The following FGF12 variants were observed in gnomAD, a reference collection of about 807,000 sequenced individuals.
FGF12 encodes the protein fibroblast growth factor 12B.
A neutral mutation model predicts 23.6 loss-of-function variants in FGF12; 14 were observed. The observed-to-expected ratio is 0.59, with a 90% CI of 0.39 to 0.93. FGF12 has a LOEUF of 0.93. FGF12 is among the 40% of genes least tolerant of loss of function. FGF12 has a pLI of 0.00. For missense variants in FGF12, 175 were observed against 217.8 expected (o/e 0.80, Z 1.24); for synonymous variants, 62 against 77.3 (o/e 0.80, Z 1.04).
intron 2 of FGF12, among the ~76,000 whole-genome samples, chr3:192,476,180 A>T (rs542669153): frequency 6.6e-6 from 1 of 152,178 alleles, no homozygotes; most frequent in Non-Finnish European, 1.5e-5. Context: ...CTATATTTTA[A>T]AGGGCAGGAC....
At position 192,190,558 on chromosome 3, in the gene FGF12, C is replaced by T. The variant is rs2108646835; in HGVS notation, c.229-19902G>A. 2.9e-5 allele frequency among the ~76,000 whole-genome samples: 4 copies of T among 138,580 alleles called. 1 individual carries two copies. In the Admixed American group the frequency reaches 3.2e-4, roughly 11 times the overall value. The allele number at this position is 138,580 out of a possible 152,430, so 90.9% of individuals were successfully genotyped here. A position where few individuals can be genotyped will look rare whatever the true frequency, so the allele number is the denominator to read the frequency against. On this transcript the variant is annotated intron_variant, in intron 4 of 5. Transcript: ENST00000445105. Reference sequence around the variant, plus strand: ...TGGCGGGATCTCGGCTCACTGCAAACTCCGCCTCCCGGGTTCACGCCATTC... The same window carrying T: ...TGGCGGGATCTCGGCTCACTGCAAATTCCGCCTCCCGGGTTCACGCCATTC...
In FGF12 at chr3:192,301,723, G is replaced by A. The variant is rs371831270; in HGVS notation, c.228+33638C>T. Among the ~76,000 whole-genome samples the A allele has an allele frequency of 1.2e-3, 187 of 152,194 alleles. 1 individual carries two copies. The highest frequency in any genetic ancestry group is 3.9e-3 in the African/African-American group (164 of 41,542). ...AAGGGAGGAGCATGTAGAAAAAGAGGGTACTGCTGCTTAGTATTTTGAATT... is the reference window on the plus strand; with the variant it reads ...AAGGGAGGAGCATGTAGAAAAAGAGAGTACTGCTGCTTAGTATTTTGAATT... On this transcript the variant is annotated intron_variant, in intron 4 of 5. Transcript: ENST00000445105.
chr3:192,250,156 A>G (rs1229629072), intron 4 of FGF12, among the ~76,000 whole-genome samples: 2 of 152,218 alleles, frequency 1.3e-5, no homozygotes, highest in Non-Finnish European at 2.9e-5. Flanking sequence ...TAAATCTGAC[A>G]TAATAACCTA....
In FGF12 at chr3:192,495,515, C is replaced by G. The variant is rs144065994; in HGVS notation, c.14-134977G>C. Among the ~76,000 whole-genome samples, 240 of 152,072 alleles carry G rather than the reference C, an allele frequency of 1.6e-3. 1 individual carries two copies. In the Middle Eastern group the frequency reaches 0.02, roughly 13 times the overall value. ...TTATCAATCATAAAGTGTTTTAGAC[C>G]TACTTGATCTTTACAGAACTCCAGG... On this transcript the variant is annotated intron_variant, in intron 2 of 5. Transcript: ENST00000445105.
chr3:192,239,054 G>C (rs1032018538), intron 4 of FGF12, among the ~76,000 whole-genome samples: 1 of 152,186 alleles, frequency 6.6e-6, no homozygotes, highest in Non-Finnish European at 1.5e-5. Context: ...GGCTTGCTTA[G>C]TGTATAACTT....
intron 2 of FGF12, among the ~76,000 whole-genome samples, chr3:192,447,196 C>G (rs77092347): frequency 2.0e-5 from 3 of 152,054 alleles, no homozygotes; most frequent in Admixed American, 6.6e-5. Context: ...GGCTGATAAC[C>G]GATGCTTGAA....
intron 2 of FGF12, among the ~76,000 whole-genome samples, chr3:192,497,680 T>C (rs1380397881): frequency 6.6e-6 from 1 of 152,218 alleles, no homozygotes; most frequent in East Asian, 1.9e-4. Flanking sequence ...CCAGCTGGGA[T>C]ACACCTTCCC....
At chr3:192,236,860 T>C (rs1353486176) in intron 4 of FGF12, among the ~76,000 whole-genome samples, 2 of 152,186 alleles carry the variant, frequency 1.3e-5, no homozygotes, top group Admixed American at 6.5e-5. Flanking sequence ...TATGTGAGGA[T>C]TTGATCCTGT....
At chr3:192,685,624 C>A (rs890310412) in intron 2 of FGF12, among the ~76,000 whole-genome samples, 1 of 152,070 alleles carries the variant, frequency 6.6e-6, no homozygotes, top group African/African-American at 2.4e-5. Context: ...AAGGAGGTGA[C>A]AGCAGGTACC....
chr3:192,683,199 C>T (rs1717599903), intron 2 of FGF12, among the ~76,000 whole-genome samples: 1 of 152,272 alleles, frequency 6.6e-6, no homozygotes, highest in Admixed American at 6.5e-5. Context: ...CCAAGGAACC[C>T]GAACTGGCAG....
chr3:192,264,478 A>G (rs1712953670), intron 4 of FGF12, among the ~76,000 whole-genome samples: 1 of 152,156 alleles, frequency 6.6e-6, no homozygotes, highest in South Asian at 2.1e-4. Flanking sequence ...GAAAATATGA[A>G]TTCTATTTTT....
intron 2 of FGF12, among the ~76,000 whole-genome samples, chr3:192,625,640 G>A (rs933613124): frequency 3.3e-5 from 5 of 151,884 alleles, no homozygotes; most frequent in Non-Finnish European, 5.9e-5. Flanking sequence ...ATACATAAAG[G>A]AAAAATCTCT....
intron 2 of FGF12, among the ~76,000 whole-genome samples, chr3:192,694,336 G>A (rs1244019981): frequency 1.3e-5 from 2 of 152,046 alleles, no homozygotes; most frequent in African/African-American, 4.8e-5. Context: ...CAGTATGAAA[G>A]TTCCTCAAAA....
At chr3:192,681,044 A>C (rs1157444810) in intron 2 of FGF12, among the ~76,000 whole-genome samples, 1 of 152,220 alleles carries the variant, frequency 6.6e-6, no homozygotes, top group African/African-American at 2.4e-5. Context: ...GCAGCTTGGG[A>C]ATATACTTGT....
chr3:192,489,166 A>G (rs1359930722), intron 2 of FGF12, among the ~76,000 whole-genome samples: 1 of 152,100 alleles, frequency 6.6e-6, no homozygotes, highest in African/African-American at 2.4e-5. Context: ...ATATTATCTA[A>G]TCATTTTTTA....
chr3:192,664,374 C>G (rs137924118), intron 2 of FGF12, among the ~76,000 whole-genome samples: 1 of 151,846 alleles, frequency 6.6e-6, no homozygotes. Context: ...AGGACCTTGG[C>G]GCTTCTGATT....
intron 2 of FGF12, among the ~76,000 whole-genome samples, chr3:192,432,707 C>G (rs1721900352): frequency 6.6e-6 from 1 of 150,956 alleles, no homozygotes; most frequent in Non-Finnish European, 1.5e-5. Flanking sequence ...GAATTGAATT[C>G]TGCCAGCAGC....
intron 4 of FGF12, among the ~76,000 whole-genome samples, chr3:192,246,644 C>T (rs1196008989): frequency 2.6e-5 from 4 of 151,504 alleles, no homozygotes; most frequent in South Asian, 2.1e-4. Flanking sequence ...GACAACATGG[C>T]GAAACCCCAT....
chr3:192,578,748 C>T (rs944442072), intron 2 of FGF12, among the ~76,000 whole-genome samples: 2 of 152,180 alleles, frequency 1.3e-5, no homozygotes, highest in African/African-American at 2.4e-5. Context: ...ACTCCCTGGA[C>T]AGTTAATGAG....
Sources: allele counts gnomAD v4.1 joint callset (sites outside exome capture counted in the v4.1 genomes callset), GRCh38; gene constraint gnomAD v4.1.1; transcripts MANE v1.5; gene names NCBI Gene and HGNC (gene_info 2026-07-23, HGNC 2026-07-21).